Variants in CELF6 observed in about 807,000 individuals in gnomAD.
CELF6 encodes the protein CUGBP Elav-like family member 6, also known as Bruno -like 6, RNA binding protein.
CELF6 carries 32 observed loss-of-function variants against 53.1 expected under a neutral mutation model. That is an observed-to-expected ratio of 0.60 (90% confidence interval 0.46 to 0.81). CELF6 has a LOEUF of 0.81. Ranked by LOEUF, CELF6 falls within the 30% of genes least tolerant of loss-of-function variation. The pLI, the probability that CELF6 is intolerant of heterozygous loss-of-function variation, is 0.00. For missense variants in CELF6, 539 were observed against 669.5 expected (o/e 0.81, Z 2.15); for synonymous variants, 291 against 288.8 (o/e 1.01, Z -0.08).
At chr15:72,310,540 A>G (rs908298491) in intron 2 of CELF6, among the ~76,000 whole-genome samples, 3 of 118,134 alleles carry the variant, frequency 2.5e-5, no homozygotes, top group Non-Finnish European at 5.3e-5. Flanking sequence ...CCATAGCCAG[A>G]GTAATCTTTT....
Position 72,294,805 on chromosome 15 carries a change from C to G in CELF6, c.395-4550G>C, listed in dbSNP as rs564980446. ...CCAGGCTGGCCAACATAGTGAAACC[C>G]TGTCTCTACTAAAAATGCAAAAATT... On this transcript the variant is annotated intron_variant, in intron 3 of 12. Coordinates refer to ENST00000287202, the MANE Select transcript of CELF6 (RefSeq NM_052840.5). 1.8e-3 allele frequency among the ~76,000 whole-genome samples: 268 copies of G among 151,476 alleles called. 1 individual carries two copies. Among genetic ancestry groups the G allele is most frequent in the African/African-American group, 6.1e-3 (250 of 41,220 alleles).
At chr15:72,314,270 G>T (rs116355494) in intron 2 of CELF6, among the ~76,000 whole-genome samples, 3,599 of 152,230 alleles carry the variant, frequency 0.024, 81 homozygotes, top group African/African-American at 0.059. Flanking sequence ...TGAAATCAGT[G>T]CCTATTTCTT....
chr15:72,306,018 T>A (rs1262668233), intron 2 of CELF6: 1 of 911,780 alleles, frequency 1.1e-6, no homozygotes, highest in Non-Finnish European at 1.3e-6. Flanking sequence ...AGGAACCAGA[T>A]GAGGCTCTTA....
In CELF6 at chr15:72,289,211, G is replaced by T; in HGVS notation, c.957C>A (p.Gly319=). The T allele has an allele frequency of 6.4e-7, 1 of 1,573,178 alleles. No homozygotes were observed. Residue 319 remains glycine (G), a synonymous_variant, in exon 8 of 13, where the codon GGC becomes GGA. Coordinates refer to ENST00000287202, the MANE Select transcript of CELF6 (RefSeq NM_052840.5). The surrounding 1 kb of genome is among the most constrained non-coding windows in gnomAD (Gnocchi z 7.6). ...LPAPIGVNGF[G]PLTPQTNGQP... ...GGCCATTGGTCTGGGGGGTCAGAGG[G>T]CCGAATCCATTGACCCCGATGGGCG...
chr15:72,289,501 G>T lies in CELF6; in HGVS notation c.754C>A (p.Gln252Lys). Residue 252 changes from glutamine to lysine, a missense_variant, in exon 7 of 13, where the codon CAG becomes AAG. Transcript: ENST00000287202. The surrounding 1 kb of genome is among the most constrained non-coding windows in gnomAD (Gnocchi z 7.6). ...GCCGCCAGCAGGGCCGCCTGGTGCT[G>T]CAGGATCTTTGAGAGGAAAGATGGG... is the stretch of plus-strand genomic sequence containing the variant. ...ACGAYTTAIL[Q>K]HQAALLAAAQ... 6.6e-7 allele frequency: 1 copy of T among 1,518,308 alleles called. No homozygotes were observed. The highest frequency in any genetic ancestry group is 1.4e-5 in the African/African-American group (1 of 71,792). 94.1% of individuals were successfully genotyped at this position (1,518,308 alleles called of 1,614,324 possible). A position where few individuals can be genotyped will look rare whatever the true frequency, so the allele number is the denominator to read the frequency against.
intron 2 of CELF6, among the ~76,000 whole-genome samples, chr15:72,311,708 A>G (rs60790003): frequency 0.17 from 25,204 of 152,030 alleles, 6,039 homozygotes; most frequent in African/African-American, 0.53. Context: ...GGCCAATGAG[A>G]CTCATTTTTA....
chr15:72,310,546 CTTT>C (rs11400175), intron 2 of CELF6, among the ~76,000 whole-genome samples: 2 of 138,330 alleles, frequency 1.4e-5, no homozygotes, highest in African/African-American at 2.7e-5. Context: ...CCAGAGTAAT[CTTT>C]TTTTTTTTTT....
At chr15:72,306,417 G>A (rs372995121) in intron 2 of CELF6, 401 of 498,208 alleles carry the variant, frequency 8.0e-4, no homozygotes, top group Middle Eastern at 2.0e-3. Context: ...CAATTTGCTC[G>A]TTGCCGAGAC....
At chr15:72,316,333 A>G (rs900037914) in intron 1 of CELF6, among the ~76,000 whole-genome samples, 1 of 152,142 alleles carries the variant, frequency 6.6e-6, no homozygotes, top group African/African-American at 2.4e-5. Flanking sequence ...ATCAGCCTCA[A>G]TTCCTTCCCA....
At chr15:72,290,986 C>T (rs942947997) in intron 3 of CELF6, among the ~76,000 whole-genome samples, 5 of 152,192 alleles carry the variant, frequency 3.3e-5, no homozygotes, top group Non-Finnish European at 2.9e-5. Context: ...TAACTCCCAC[C>T]TCCACCACCC....
At chr15:72,312,266 G>A (rs1272708492) in intron 2 of CELF6, among the ~76,000 whole-genome samples, 1 of 152,154 alleles carries the variant, frequency 6.6e-6, no homozygotes, top group Non-Finnish European at 1.5e-5. Context: ...CTTTCATAGG[G>A]GACAGAAATT....
Position 72,319,985 on chromosome 15 carries a change from A to T in CELF6, c.-111T>A. 1.1e-6 allele frequency: 1 copy of T among 949,054 alleles called. No homozygotes were observed. Among genetic ancestry groups the T allele is most frequent in the Non-Finnish European group, 1.3e-6 (1 of 769,140 alleles). 58.8% of individuals were successfully genotyped at this position (949,054 alleles called of 1,614,324 possible). ...GGGAGGGGGCGGAGCCCGGGCGGAGAGGGCGGGGGGCTGCCCAGGGGGCGG... is the reference window on the plus strand; with the variant it reads ...GGGAGGGGGCGGAGCCCGGGCGGAGTGGGCGGGGGGCTGCCCAGGGGGCGG... On this transcript the variant is annotated 5_prime_UTR_variant, in exon 1 of 13. Transcript: ENST00000287202. The surrounding 1 kb of genome is among the most constrained non-coding windows in gnomAD (Gnocchi z 5.0).
At chr15:72,302,105 A>G (rs552029368) in intron 3 of CELF6, among the ~76,000 whole-genome samples, 1 of 152,370 alleles carries the variant, frequency 6.6e-6, no homozygotes, top group Non-Finnish European at 1.5e-5. Flanking sequence ...TTTAGAAGAG[A>G]TATATGATAG....
rs766009356 is a variant in CELF6 at position 72,319,775 on chromosome 15, G to A, written c.100C>T (p.Pro34Ser). ...TCCTTCATGGGTACGGCGGGACCGG[G>A]GTTTAGCCCGCTCATGCCGACGCCG... is the stretch of plus-strand genomic sequence containing the variant. ...DSGVGMSGLN[P>S]GPAVPMKDHD... Residue 34 changes from proline (P) to serine (S), a missense_variant, in exon 1 of 13, where the codon CCC (proline) becomes TCC (serine). By Grantham distance (74) the Pro-to-Ser change is moderately conservative (BLOSUM62 -1). Transcript: ENST00000287202. This position sits in a 1 kb window ranked among gnomAD's most constrained non-coding sequence, Gnocchi z 5.0. 3 of 1,577,954 alleles carry A rather than the reference G, an allele frequency of 1.9e-6. No homozygotes were observed. The highest frequency in any genetic ancestry group is 4.7e-5 in the East Asian group (2 of 42,708).
rs73440558 is a variant in CELF6, at chr15:72,319,294, C to A, written c.262+319G>T. ...AGATCTAGAAGGTGGAATAAGTTTT[C>A]AAATTCCAGAATTTTAGGTCTGATG... On this transcript the variant is annotated intron_variant, in intron 1 of 12. Transcript: ENST00000287202. This position sits in a 1 kb window ranked among gnomAD's most constrained non-coding sequence, Gnocchi z 5.0. Among the ~76,000 whole-genome samples the A allele has an allele frequency of 6.6e-6, 1 of 152,124 alleles. No homozygotes were observed. The highest frequency in any genetic ancestry group is 2.4e-5 in the African/African-American group (1 of 41,494).
At chr15:72,293,498 G>A (rs1410439079) in intron 3 of CELF6, among the ~76,000 whole-genome samples, 1 of 152,130 alleles carries the variant, frequency 6.6e-6, no homozygotes, top group Non-Finnish European at 1.5e-5. Flanking sequence ...CTGAATAAAA[G>A]TATCCCATGA....
At chr15:72,296,383 C>A (rs2088077719) in intron 3 of CELF6, among the ~76,000 whole-genome samples, 1 of 152,068 alleles carries the variant, frequency 6.6e-6, no homozygotes. Context: ...GGACTGACTA[C>A]ATCAAAATTA....
intron 3 of CELF6, 22 bp downstream of exon 3, chr15:72,304,724 G>A (rs767720979): frequency 1.2e-6 from 2 of 1,612,848 alleles, no homozygotes; most frequent in Non-Finnish European, 1.7e-6. Flanking sequence ...GCAGCCTGAG[G>A]TTGGTCAGAC....
In CELF6 at chr15:72,319,604, C is replaced by T. The variant is rs1458397180; in HGVS notation, c.262+9G>A. 2 of 1,540,032 alleles carry T rather than the reference C, an allele frequency of 1.3e-6. No individual in the cohort carries two copies. The highest frequency in any genetic ancestry group is 1.8e-6 in the Non-Finnish European group (2 of 1,139,984). On this transcript the variant is annotated intron_variant, in intron 1 of 12. Coordinates refer to ENST00000287202, the MANE Select transcript of CELF6 (RefSeq NM_052840.5). This position sits in a 1 kb window ranked among gnomAD's most constrained non-coding sequence, Gnocchi z 5.0. ...TGGGGCTGGGCTGGGCTGGGCTGACCCCGCGCACCTTTGTGGAGGCCGGTG... is the reference window on the plus strand; with the variant it reads ...TGGGGCTGGGCTGGGCTGGGCTGACTCCGCGCACCTTTGTGGAGGCCGGTG...
Sources: gnomAD v4.1 joint callset for allele counts (sites outside exome capture counted in the v4.1 genomes callset) on GRCh38, gnomAD v4.1.1 for gene constraint, Gnocchi (gnomAD v3.1) non-coding constraint, MANE v1.5 for transcripts, NCBI Gene and HGNC (gene_info 2026-07-23, HGNC 2026-07-21) for gene names.